Variants in TAFA2 observed in about 807,000 individuals in gnomAD.
The protein encoded by TAFA2 is TAFA chemokine like family member 2.
In TAFA2, 7 loss-of-function variants were observed where a neutral mutation model predicts 18.8. The observed-to-expected ratio is 0.37, with a 90% CI of 0.21 to 0.70. The LOEUF is 0.70. TAFA2 is among the 30% of genes least tolerant of loss of function. The pLI, the probability that TAFA2 is intolerant of heterozygous loss-of-function variation, is 0.53. For synonymous variants in TAFA2, 60 were observed against 54.2 expected (o/e 1.11, Z -0.47); for missense variants, 122 against 158.1 (o/e 0.77, Z 1.23).
At chr12:61,745,698 TCAAA>T (rs1323259434) in intron 4 of TAFA2, among the ~76,000 whole-genome samples, 5 of 152,118 alleles carry the variant, frequency 3.3e-5, no homozygotes, top group Admixed American at 2.6e-4. Context: ...CCTTGATTAT[TCAAA>T]CAAACACTAA....
intron 1 of TAFA2, among the ~76,000 whole-genome samples, chr12:61,875,846 C>T (rs1261388116): frequency 6.6e-6 from 1 of 151,620 alleles, no homozygotes; most frequent in Non-Finnish European, 1.5e-5. Context: ...AAGCAGTTGA[C>T]TTGTAGATCT....
At chr12:62,148,534 G>A (rs1258893725) in intron 1 of TAFA2, among the ~76,000 whole-genome samples, 2 of 152,016 alleles carry the variant, frequency 1.3e-5, no homozygotes, top group African/African-American at 2.4e-5. Context: ...AAACACTAGA[G>A]ATTCCAAAAG....
At chr12:62,173,160 C>A (rs1257659529) in intron 1 of TAFA2, among the ~76,000 whole-genome samples, 1 of 152,206 alleles carries the variant, frequency 6.6e-6, no homozygotes, top group Admixed American at 6.5e-5. Context: ...TGCCTGTAAT[C>A]CCAGCACTTT....
intron 1 of TAFA2, among the ~76,000 whole-genome samples, chr12:61,950,756 GAAGTCT>G (rs1878437727): frequency 6.6e-6 from 1 of 151,950 alleles, no homozygotes; most frequent in Non-Finnish European, 1.5e-5. Context: ...GTAGCTCCAC[GAAGTCT>G]AAGTCTGTTT....
chr12:61,929,718 C>A (rs1035129733), intron 1 of TAFA2, among the ~76,000 whole-genome samples: 1 of 151,728 alleles, frequency 6.6e-6, no homozygotes. Flanking sequence ...ATGTTTATTG[C>A]GGCACTATTC....
At chr12:61,818,402 G>T (rs983352155) in intron 2 of TAFA2, among the ~76,000 whole-genome samples, 2 of 151,136 alleles carry the variant, frequency 1.3e-5, no homozygotes, top group African/African-American at 4.9e-5. Context: ...GGGATGAAAT[G>T]GACTACAATT....
chr12:61,950,614 T>A (rs966438493), intron 1 of TAFA2, among the ~76,000 whole-genome samples: 1 of 152,176 alleles, frequency 6.6e-6, no homozygotes, highest in Non-Finnish European at 1.5e-5. Context: ...AGTTATTTGA[T>A]CTTTTGTTGT....
intron 1 of TAFA2, among the ~76,000 whole-genome samples, chr12:62,240,392 CT>C (rs1440432686): frequency 1.5e-4 from 22 of 151,208 alleles, no homozygotes; most frequent in African/African-American, 5.3e-4. Flanking sequence ...GCACTCCAGC[CT>C]GGGTGACAGA....
chr12:62,194,180 AT>A (rs1384618805), upstream of TAFA2, among the ~76,000 whole-genome samples: 1 of 152,076 alleles, frequency 6.6e-6, no homozygotes, highest in Non-Finnish European at 1.5e-5. Context: ...ATCTTACAGT[AT>A]TTTTTTGTCT....
intron 4 of TAFA2, among the ~76,000 whole-genome samples, chr12:61,727,516 A>G (rs1592348093): frequency 6.6e-6 from 1 of 151,974 alleles, no homozygotes; most frequent in Non-Finnish European, 1.5e-5. Flanking sequence ...AAAGGTGTTC[A>G]TAGTAGCCTT....
At chr12:61,931,051 T>A (rs1877533512) in intron 1 of TAFA2, among the ~76,000 whole-genome samples, 1 of 152,234 alleles carries the variant, frequency 6.6e-6, no homozygotes, top group South Asian at 2.1e-4. Flanking sequence ...TTATATGACA[T>A]GCCATATAGC....
Position 62,220,256 on chromosome 12 carries a change from C to T in TAFA2, c.-130+38507G>A, listed in dbSNP as rs575562180. On this transcript the variant is annotated intron_variant, in intron 1 of 5. Transcript: ENST00000551619. ...AAAATTACAAAATTACACCCACTTA[C>T]TAAAAAGGAAAAAACTACAAATTAA... Among the ~76,000 whole-genome samples, 11 of 151,822 alleles carry T rather than the reference C, an allele frequency of 7.2e-5. No individual in the cohort carries two copies. In the South Asian group the frequency reaches 2.3e-3, roughly 32 times the overall value.
rs1423914497 is a variant in TAFA2 at position 61,754,852 on chromosome 12, A to C, written c.259+20T>G. 3.1e-6 allele frequency: 5 copies of C among 1,611,048 alleles called. No individual in the cohort carries two copies. The Admixed American group carries it at 8.4e-5, about 27-fold the overall frequency. ...CATCCTTGGCTGTGCTGTTACAATA[A>C]GGAATGGAAGAAGTCACACCATCCA... On this transcript the variant is annotated intron_variant, in intron 3 of 4. Coordinates refer to ENST00000416284, the MANE Select transcript of TAFA2 (RefSeq NM_178539.5).
intron 1 of TAFA2, among the ~76,000 whole-genome samples, chr12:61,908,753 T>G (rs1366679783): frequency 6.6e-6 from 1 of 152,132 alleles, no homozygotes; most frequent in Non-Finnish European, 1.5e-5. Flanking sequence ...CGGAGTAAAT[T>G]TAGGCAAACC....
rs531141773 is a variant in TAFA2, at chr12:61,901,708, C to A, written c.-1-34282G>T. ...TACTATAGGAGTTGAATTGAAGGCA[C>A]CACACTAATCAAACATTTGGCTCCA... On this transcript the variant is annotated intron_variant, in intron 1 of 4. Coordinates refer to ENST00000416284, the MANE Select transcript of TAFA2 (RefSeq NM_178539.5). Among the ~76,000 whole-genome samples the A allele has an allele frequency of 1.5e-4, 23 of 152,170 alleles. No individual in the cohort carries two copies. In the Middle Eastern group the frequency reaches 0.02, roughly 135 times the overall value.
chr12:61,759,714 G>A (rs1869445721), intron 2 of TAFA2, among the ~76,000 whole-genome samples: 2 of 152,100 alleles, frequency 1.3e-5, no homozygotes, highest in East Asian at 3.9e-4. Context: ...AATAAGTCAG[G>A]GAAGCATGAT....
intron 1 of TAFA2, among the ~76,000 whole-genome samples, chr12:62,148,889 G>A (rs1348762780): frequency 6.6e-6 from 1 of 152,086 alleles, no homozygotes; most frequent in Admixed American, 6.6e-5. Context: ...GTATATGCAG[G>A]TCTCCCCTTG....
At chr12:62,224,607 A>G (rs1481213306) in intron 1 of TAFA2, among the ~76,000 whole-genome samples, 3 of 152,102 alleles carry the variant, frequency 2.0e-5, no homozygotes, top group African/African-American at 7.2e-5. Context: ...TTAACATATG[A>G]ATTTTGGGGT....
intron 1 of TAFA2, chr12:62,021,521 C>T: frequency 1.9e-6 from 1 of 513,440 alleles, no homozygotes; most frequent in Non-Finnish European, 3.8e-6. Flanking sequence ...AAGATCTTTA[C>T]AGAACAACAT....
Sources: gnomAD v4.1 joint callset for allele counts (sites outside exome capture counted in the v4.1 genomes callset) on GRCh38, gnomAD v4.1.1 for gene constraint, MANE v1.5 for transcripts, NCBI Gene and HGNC (gene_info 2026-07-23, HGNC 2026-07-21) for gene names.